Variants in KAZN observed in about 807,000 individuals in gnomAD.
The protein encoded by KAZN is kazrin.
KAZN carries 40 observed loss-of-function variants against 87.4 expected under a neutral mutation model. That is an observed-to-expected ratio of 0.46 (90% CI 0.36 to 0.60). The LOEUF is 0.60. Among genes scored for constraint, KAZN ranks in the 20% least tolerant of loss-of-function variants. KAZN has a pLI of 0.00. For missense variants in KAZN, 898 were observed against 1,073.9 expected (o/e 0.84, Z 2.29); for synonymous variants, 466 against 458.3 (o/e 1.02, Z -0.22).
intron 3 of KAZN, among the ~76,000 whole-genome samples, chr1:15,041,795 G>C (rs1360511472): frequency 6.6e-6 from 1 of 152,128 alleles, no homozygotes; most frequent in Non-Finnish European, 1.5e-5. Context: ...GACCTCTCAG[G>C]CGTCTCCTTT....
intron 2 of KAZN, among the ~76,000 whole-genome samples, chr1:15,029,753 A>AGGC (rs1671500159): frequency 6.6e-6 from 1 of 152,214 alleles, no homozygotes; most frequent in African/African-American, 2.4e-5. Flanking sequence ...TTCAGAGCCT[A>AGGC]GGCGGGCAGG....
intron 1 of KAZN, among the ~76,000 whole-genome samples, chr1:14,950,407 C>T (rs1236641530): frequency 1.3e-5 from 2 of 152,054 alleles, no homozygotes; most frequent in Non-Finnish European, 2.9e-5. Context: ...ATGCAGGGAC[C>T]AGGCAGGAGA....
intron 1 of KAZN, among the ~76,000 whole-genome samples, chr1:14,631,990 A>G (rs1227576969): frequency 2.0e-5 from 3 of 152,246 alleles, no homozygotes; most frequent in Non-Finnish European, 4.4e-5. Flanking sequence ...ACAAAATGAC[A>G]CATTTTCACA....
At chr1:13,894,446 C>T (rs1008557252) in intron 1 of KAZN, among the ~76,000 whole-genome samples, 7 of 152,020 alleles carry the variant, frequency 4.6e-5, no homozygotes, top group African/African-American at 9.7e-5. Context: ...AAATAGTCAC[C>T]ATGCTCAAAC....
chr1:14,833,520 A>T (rs1572602989), intron 1 of KAZN, among the ~76,000 whole-genome samples: 2 of 152,024 alleles, frequency 1.3e-5, no homozygotes, highest in Non-Finnish European at 2.9e-5. Flanking sequence ...TGTGGAGCAC[A>T]CCCCTCAGAT....
At chr1:14,305,650 G>A (rs1044206594) in intron 2 of KAZN, among the ~76,000 whole-genome samples, 1 of 151,726 alleles carries the variant, frequency 6.6e-6, no homozygotes, top group South Asian at 2.1e-4. Context: ...AGGGAAGTCT[G>A]CTCTCCCTTT....
In KAZN at chr1:14,377,977, A is replaced by G. The variant is rs540716762; in HGVS notation, c.249+197385A>G. Among the ~76,000 whole-genome samples, 3 of 152,316 alleles carry G rather than the reference A, an allele frequency of 2.0e-5. No individual in the cohort carries two copies. The East Asian group carries it at 5.8e-4, about 29-fold the overall frequency. On this transcript the variant is annotated intron_variant, in intron 2 of 16. Coordinates refer to the KAZN transcript ENST00000636203. Reference sequence around the variant, plus strand: ...ACAAAATTACCCCCAGCTGACAACCACTGGCTTAAATGAAGATCCTAGTAG... The same window carrying G: ...ACAAAATTACCCCCAGCTGACAACCGCTGGCTTAAATGAAGATCCTAGTAG...
At chr1:14,858,792 G>A (rs1208234837) in intron 1 of KAZN, among the ~76,000 whole-genome samples, 1 of 152,154 alleles carries the variant, frequency 6.6e-6, no homozygotes, top group Non-Finnish European at 1.5e-5. Context: ...TGCATTGAGA[G>A]ACCTTAACTG....
At chr1:14,674,511 C>A (rs1305676958) in intron 1 of KAZN, among the ~76,000 whole-genome samples, 1 of 152,222 alleles carries the variant, frequency 6.6e-6, no homozygotes, top group African/African-American at 2.4e-5. Flanking sequence ...TTCAGGGATA[C>A]ATGCTACCTT....
intron 2 of KAZN, among the ~76,000 whole-genome samples, chr1:14,509,887 T>C (rs1670809435): frequency 6.6e-6 from 1 of 152,110 alleles, no homozygotes; most frequent in Non-Finnish European, 1.5e-5. Context: ...AACAGAGACC[T>C]GAAGAAGGAG....
intron 2 of KAZN, among the ~76,000 whole-genome samples, chr1:15,017,578 C>T (rs192537717): frequency 6.6e-6 from 1 of 152,068 alleles, no homozygotes; most frequent in Non-Finnish European, 1.5e-5. Flanking sequence ...CTGAGGTGGG[C>T]GGATCACCTT....
At chr1:14,702,947 G>A (rs1360162532) in intron 1 of KAZN, among the ~76,000 whole-genome samples, 5 of 152,168 alleles carry the variant, frequency 3.3e-5, no homozygotes, top group Non-Finnish European at 5.9e-5. Context: ...TTTGGCTTAC[G>A]ATGTTCTAGA....
intron 1 of KAZN, among the ~76,000 whole-genome samples, chr1:13,907,896 C>G (rs955623132): frequency 1.3e-5 from 2 of 151,986 alleles, no homozygotes; most frequent in Non-Finnish European, 2.9e-5. Flanking sequence ...CTGTGTAGTT[C>G]GTAGAGAAAA....
chr1:14,795,857 T>C (rs1430053509), intron 1 of KAZN, among the ~76,000 whole-genome samples: 1 of 152,122 alleles, frequency 6.6e-6, no homozygotes, highest in Non-Finnish European at 1.5e-5. Context: ...TCCCCATCAC[T>C]CAGGACTCTG....
chr1:15,107,166 G>T (rs1438121131), intron 13 of KAZN, among the ~76,000 whole-genome samples: 2 of 152,096 alleles, frequency 1.3e-5, no homozygotes, highest in African/African-American at 2.4e-5. Flanking sequence ...TGCCATAAAA[G>T]CCACCCTCCA....
intron 8 of KAZN, among the ~76,000 whole-genome samples, chr1:15,090,583 G>A (rs560945282): frequency 2.2e-3 from 342 of 152,362 alleles, no homozygotes; most frequent in Non-Finnish European, 3.9e-3. Flanking sequence ...AGCTGCTGCC[G>A]TTTCCGCATT....
At chr1:14,772,222 C>T (rs1481198150) in intron 1 of KAZN, among the ~76,000 whole-genome samples, 1 of 152,170 alleles carries the variant, frequency 6.6e-6, no homozygotes, top group Non-Finnish European at 1.5e-5. Context: ...GTGGCTCACG[C>T]CTGTAATCCT....
chr1:14,998,146 C>T (rs74060148), intron 2 of KAZN, among the ~76,000 whole-genome samples: 11,936 of 151,412 alleles, frequency 0.079, 564 homozygotes, highest in East Asian at 0.12. Flanking sequence ...CTGGCACAGA[C>T]GGCGGGGGGG....
intron 8 of KAZN, among the ~76,000 whole-genome samples, chr1:15,089,853 G>A (rs1007582338): frequency 2.0e-5 from 3 of 151,482 alleles, no homozygotes; most frequent in South Asian, 4.2e-4. Flanking sequence ...TGGAGATGAC[G>A]TTACTGGGCA....
Sources: allele counts gnomAD v4.1 joint callset (sites outside exome capture counted in the v4.1 genomes callset), GRCh38; gene constraint gnomAD v4.1.1; transcripts MANE v1.5; gene names NCBI Gene and HGNC (gene_info 2026-07-23, HGNC 2026-07-21).